The following PPFIA1 variants were observed in gnomAD, a reference collection of about 807,000 sequenced individuals.
PPFIA1 encodes PPFI scaffold protein A1.
In PPFIA1, 25 loss-of-function variants were observed where a neutral mutation model predicts 149.9. The observed-to-expected ratio is 0.17, with a 90% CI of 0.12 to 0.23. The LOEUF (loss-of-function observed/expected upper bound fraction) is 0.23. PPFIA1 is among the 10% of genes least tolerant of loss of function. The pLI is 1.00. For synonymous variants in PPFIA1, 549 were observed against 552.8 expected (o/e 0.99, Z 0.10); for missense variants, 1,362 against 1,506.5 (o/e 0.90, Z 1.59).
At chr11:70,316,918 A>G (rs1012090632) in intron 2 of PPFIA1, among the ~76,000 whole-genome samples, 5 of 152,240 alleles carry the variant, frequency 3.3e-5, no homozygotes, top group African/African-American at 1.2e-4. Flanking sequence ...CAGCATTATC[A>G]GGCATTATGT....
At chr11:70,284,793 T>G (rs2050996140) in intron 2 of PPFIA1, among the ~76,000 whole-genome samples, 1 of 152,014 alleles carries the variant, frequency 6.6e-6, no homozygotes, top group Admixed American at 6.6e-5. Context: ...GAGTCAAAGC[T>G]GGGGTCTGTG....
chr11:70,294,768 C>T (rs1157861334), intron 2 of PPFIA1, among the ~76,000 whole-genome samples: 1 of 151,702 alleles, frequency 6.6e-6, no homozygotes, highest in East Asian at 1.9e-4. Context: ...AACGAGCATG[C>T]TGCCTTCAAG....
chr11:70,331,692 A>T (rs1404894688), intron 8 of PPFIA1, among the ~76,000 whole-genome samples: 1 of 151,808 alleles, frequency 6.6e-6, no homozygotes, highest in Non-Finnish European at 1.5e-5. Flanking sequence ...AGGCAGGAGA[A>T]TTGCTTGAAC....
At chr11:70,291,593 A>T (rs1234101209) in intron 2 of PPFIA1, among the ~76,000 whole-genome samples, 1 of 152,190 alleles carries the variant, frequency 6.6e-6, no homozygotes, top group Non-Finnish European at 1.5e-5. Flanking sequence ...CACTTTACAA[A>T]CAGGAATTCA....
Position 70,355,622 on chromosome 11 carries a change from G to A in PPFIA1, c.2316-17G>A, listed in dbSNP as rs955931895. On this transcript the variant is annotated splice_polypyrimidine_tract_variant and intron_variant, in intron 17 of 27. Coordinates refer to ENST00000253925, the MANE Select transcript of PPFIA1 (RefSeq NM_003626.5). ...CTACAAGGGCACATAGTAAAGATCC[G>A]TTTTCTTTCCTCGAAGCTCCACAGG... 5.7e-6 allele frequency: 9 copies of A among 1,585,676 alleles called. No individual in the cohort carries two copies. Among genetic ancestry groups the A allele is most frequent in the South Asian group, 1.2e-5 (1 of 86,582 alleles).
chr11:70,293,089 C>T (rs549115039), intron 2 of PPFIA1, among the ~76,000 whole-genome samples: 127 of 152,310 alleles, frequency 8.3e-4, no homozygotes, highest in South Asian at 2.7e-3. Context: ...CAGTGTTGAG[C>T]GTAGCCTCTG....
intron 21 of PPFIA1, among the ~76,000 whole-genome samples, chr11:70,363,833 T>C (rs1343480949): frequency 6.6e-6 from 1 of 152,052 alleles, no homozygotes; most frequent in African/African-American, 2.4e-5. Context: ...CATTGAAATA[T>C]AGGTGACATA....
chr11:70,305,528 C>T (rs780562207), intron 2 of PPFIA1, among the ~76,000 whole-genome samples: 4 of 152,116 alleles, frequency 2.6e-5, no homozygotes, highest in Non-Finnish European at 5.9e-5. Flanking sequence ...CACACCACCA[C>T]GCCTGGCTAT....
intron 1 of PPFIA1, among the ~76,000 whole-genome samples, chr11:70,271,610 G>T (rs937665782): frequency 2.0e-5 from 3 of 152,086 alleles, no homozygotes; most frequent in Admixed American, 6.6e-5. Context: ...AACGAATCCG[G>T]TTCCTTTTAG....
At chr11:70,280,306 C>T (rs967188890) in intron 2 of PPFIA1, among the ~76,000 whole-genome samples, 1 of 151,770 alleles carries the variant, frequency 6.6e-6, no homozygotes, top group African/African-American at 2.4e-5. Context: ...CAGTGGCTCA[C>T]GCCTGTAATC....
At chr11:70,337,554 G>A (rs1287739138) in intron 12 of PPFIA1, 127 bp downstream of exon 12, 6 of 592,818 alleles carry the variant, frequency 1.0e-5, no homozygotes, top group Non-Finnish European at 2.9e-6. Flanking sequence ...ACTGCCATAA[G>A]TTTCTAGCAC....
intron 2 of PPFIA1, among the ~76,000 whole-genome samples, chr11:70,314,580 G>A (rs1411077518): frequency 2.6e-5 from 4 of 152,098 alleles, no homozygotes; most frequent in Non-Finnish European, 4.4e-5. Flanking sequence ...CAGCAGCTTG[G>A]TGTGTATCTT....
At chr11:70,358,713 C>T (rs1300187241) in intron 19 of PPFIA1, 1 of 152,222 alleles carries the variant, frequency 6.6e-6, no homozygotes, top group Non-Finnish European at 1.5e-5. Flanking sequence ...GATGCTTTCA[C>T]TTACAGAGAA....
chr11:70,315,687 T>G (rs1284729363), intron 2 of PPFIA1, among the ~76,000 whole-genome samples: 4 of 143,300 alleles, frequency 2.8e-5, no homozygotes, highest in Non-Finnish European at 4.5e-5. Context: ...TGTTTTTTTT[T>G]TTTTTTTTTT....
chr11:70,338,582 G>A (rs1056364529), intron 13 of PPFIA1, 129 bp downstream of exon 13: 5 of 690,702 alleles, frequency 7.2e-6, no homozygotes, highest in Admixed American at 3.0e-5. Context: ...AGTAGGAAGC[G>A]AGAGAGAAAA....
chr11:70,309,124 A>G (rs2053084042), intron 2 of PPFIA1, among the ~76,000 whole-genome samples: 1 of 152,018 alleles, frequency 6.6e-6, no homozygotes, highest in Non-Finnish European at 1.5e-5. Context: ...GAAGTATATG[A>G]AATATACATT....
chr11:70,361,953 G>A lies in PPFIA1; in HGVS notation c.2583-142G>A, dbSNP rs112706198. 3.3e-3 allele frequency: 2,257 copies of A among 690,106 alleles called. 49 individuals carry two copies. In the African/African-American group the frequency reaches 0.036, roughly 11 times the overall value. 42.7% of individuals were successfully genotyped at this position (690,106 alleles called of 1,614,324 possible). On this transcript the variant is annotated intron_variant, in intron 19 of 27. Coordinates refer to ENST00000253925, the MANE Select transcript of PPFIA1 (RefSeq NM_003626.5). ...TTTTAAAATTTTTTGTAGAGTTGGG[G>A]TCTCGCTGTGTTGTCTAGGCTGGTC...
intron 23 of PPFIA1, among the ~76,000 whole-genome samples, chr11:70,373,150 C>T (rs1565463296): frequency 1.3e-5 from 2 of 152,198 alleles, no homozygotes; most frequent in African/African-American, 2.4e-5. Context: ...ATCCAGAAGA[C>T]GTGGAGTTGG....
At chr11:70,302,364 G>T (rs1259382342) in intron 2 of PPFIA1, among the ~76,000 whole-genome samples, 1 of 152,148 alleles carries the variant, frequency 6.6e-6, no homozygotes, top group Non-Finnish European at 1.5e-5. Flanking sequence ...AGGCATGGAG[G>T]GCTGTGAGCT....
Sources: gnomAD v4.1 joint callset for allele counts (sites outside exome capture counted in the v4.1 genomes callset) on GRCh38, gnomAD v4.1.1 for gene constraint, MANE v1.5 for transcripts, NCBI Gene and HGNC (gene_info 2026-07-23, HGNC 2026-07-21) for gene names.